DDR2: variants seen among roughly 807,000 people sequenced by gnomAD.
The protein encoded by DDR2 is discoidin domain-containing receptor 2.
A neutral mutation model predicts 94.9 loss-of-function variants in DDR2; 27 were observed. The ratio of observed to expected loss-of-function variants is 0.28; its 90% CI spans 0.21 to 0.39. DDR2 has a LOEUF of 0.39. DDR2 is among the 10% of genes least tolerant of loss of function. The pLI is 1.00. For synonymous variants in DDR2, 382 were observed against 377.2 expected, an observed-to-expected ratio of 1.01 and a Z score of -0.15; for missense variants, 783 against 1,076.0, an observed-to-expected ratio of 0.73 and a Z score of 3.81.
chr1:162,723,340 G>T (rs889873913), intron 3 of DDR2, among the ~76,000 whole-genome samples: 9 of 152,124 alleles, frequency 5.9e-5, no homozygotes, highest in Non-Finnish European at 7.4e-5. Context: ...CTTATTTCCA[G>T]CTTGGGCTGG....
intron 2 of DDR2, among the ~76,000 whole-genome samples, chr1:162,696,169 G>A (rs776665720): frequency 6.7e-6 from 1 of 149,714 alleles, no homozygotes; most frequent in South Asian, 2.1e-4. Flanking sequence ...ACCGACAGAA[G>A]ACATGGAAAT....
rs1418536470 is a variant in DDR2 at position 162,700,574 on chromosome 1, T to C, written c.-27-18463T>C. Among the ~76,000 whole-genome samples the C allele has an allele frequency of 2.0e-5, 3 of 152,218 alleles. No homozygotes were observed. The East Asian group carries it at 5.8e-4, about 29-fold the overall frequency. On this transcript the variant is annotated intron_variant, in intron 2 of 17. Coordinates refer to ENST00000367921, the MANE Select transcript of DDR2 (RefSeq NM_006182.4). ...TGATTTCAGCCTTGGAAATCTGATG[T>C]ACTTGCAGACCTCTACACAAGAGGA...
intron 2 of DDR2, among the ~76,000 whole-genome samples, chr1:162,688,929 GCT>G (rs1321017397): frequency 1.3e-5 from 2 of 152,208 alleles, no homozygotes; most frequent in Non-Finnish European, 2.9e-5. Flanking sequence ...ATACCCTGGT[GCT>G]CTGTTTTCAC....
At chr1:162,765,927 C>A in intron 9 of DDR2, 74 bp from the exon 10 acceptor site, 3 of 1,396,638 alleles carry the variant, frequency 2.1e-6, no homozygotes, top group Non-Finnish European at 3.0e-6. Flanking sequence ...TGTGCTAGGT[C>A]ACAATATGCC....
intron 3 of DDR2, among the ~76,000 whole-genome samples, chr1:162,746,442 G>A (rs1424736846): frequency 6.6e-6 from 1 of 152,206 alleles, no homozygotes; most frequent in Admixed American, 6.5e-5. Flanking sequence ...CCATTGCTGA[G>A]GCTTGAGTAG....
chr1:162,706,231 C>T (rs765356432), intron 2 of DDR2, among the ~76,000 whole-genome samples: 3 of 152,208 alleles, frequency 2.0e-5, no homozygotes, highest in Non-Finnish European at 4.4e-5. Flanking sequence ...GCCATCCACT[C>T]ATCTACCCAG....
intron 3 of DDR2, among the ~76,000 whole-genome samples, chr1:162,736,034 T>C (rs75283226): frequency 1.3e-5 from 2 of 152,214 alleles, no homozygotes; most frequent in East Asian, 3.8e-4. Context: ...CTTTCTCTGG[T>C]GCCCAGCATG....
At chr1:162,657,463 G>T (rs573881443) in intron 2 of DDR2, among the ~76,000 whole-genome samples, 1 of 152,324 alleles carries the variant, frequency 6.6e-6, no homozygotes, top group South Asian at 2.1e-4. Flanking sequence ...GAGGACAGGA[G>T]AAGTTATTAA....
intron 2 of DDR2, among the ~76,000 whole-genome samples, chr1:162,692,921 C>T (rs190669052): frequency 6.6e-6 from 1 of 152,160 alleles, no homozygotes; most frequent in African/African-American, 2.4e-5. Flanking sequence ...TTGGAAATAC[C>T]CAGACATTCA....
intron 3 of DDR2, among the ~76,000 whole-genome samples, chr1:162,743,079 G>A (rs1350786499): frequency 6.6e-6 from 1 of 152,152 alleles, no homozygotes; most frequent in African/African-American, 2.4e-5. Context: ...AAGTGTTCCT[G>A]TGGGTATATG....
At chr1:162,634,861 A>G (rs1021692356) in intron 1 of DDR2, among the ~76,000 whole-genome samples, 3 of 152,224 alleles carry the variant, frequency 2.0e-5, no homozygotes, top group African/African-American at 7.2e-5. Flanking sequence ...AGCTGAGGGC[A>G]GATCCTTGAC....
intron 9 of DDR2, 64 bp from the exon 10 acceptor site, chr1:162,765,937 C>A: frequency 1.3e-6 from 2 of 1,516,270 alleles, no homozygotes; most frequent in Non-Finnish European, 1.8e-6. Flanking sequence ...CACAATATGC[C>A]TTCAGAGAAA....
intron 3 of DDR2, among the ~76,000 whole-genome samples, chr1:162,733,868 A>G (rs1662172494): frequency 1.3e-5 from 2 of 152,326 alleles, no homozygotes; most frequent in South Asian, 4.1e-4. Flanking sequence ...GCTCGCCTAC[A>G]CACCATCATC....
At chr1:162,684,142 G>T (rs1278831682) in intron 2 of DDR2, among the ~76,000 whole-genome samples, 1 of 152,140 alleles carries the variant, frequency 6.6e-6, no homozygotes, top group Non-Finnish European at 1.5e-5. Context: ...GAGTCAGGAA[G>T]CCCAGGTTTA....
chr1:162,748,818 G>A (rs549216614), intron 3 of DDR2, among the ~76,000 whole-genome samples: 1 of 152,328 alleles, frequency 6.6e-6, no homozygotes, highest in East Asian at 1.9e-4. Context: ...TCAGACCACA[G>A]TGCAATCAAA....
intron 3 of DDR2, among the ~76,000 whole-genome samples, chr1:162,729,988 C>A (rs527474822): frequency 4.0e-5 from 6 of 150,812 alleles, no homozygotes; most frequent in Non-Finnish European, 7.4e-5. Context: ...GGTGATCCAC[C>A]CACCTTGGCC....
At chr1:162,735,810 A>G (rs1407106281) in intron 3 of DDR2, among the ~76,000 whole-genome samples, 2 of 152,252 alleles carry the variant, frequency 1.3e-5, no homozygotes, top group Non-Finnish European at 2.9e-5. Context: ...AGTAGCTCTG[A>G]TAAAACTCCT....
At chr1:162,637,535 A>G (rs532508431) in intron 1 of DDR2, among the ~76,000 whole-genome samples, 46 of 152,114 alleles carry the variant, frequency 3.0e-4, no homozygotes, top group Non-Finnish European at 5.1e-4. Context: ...TTTATTTGCT[A>G]TCAGTTACTC....
At chr1:162,633,681 G>A (rs559041617) in intron 1 of DDR2, among the ~76,000 whole-genome samples, 1 of 152,306 alleles carries the variant, frequency 6.6e-6, no homozygotes, top group East Asian at 1.9e-4. Context: ...GACAATAGAG[G>A]CAGTATGATG....
Sources: gnomAD v4.1 joint callset for allele counts (sites outside exome capture counted in the v4.1 genomes callset) on GRCh38, gnomAD v4.1.1 for gene constraint, MANE v1.5 for transcripts, NCBI Gene and HGNC (gene_info 2026-07-23, HGNC 2026-07-21) for gene names.